The following CFAP20DC variants were observed in gnomAD, a reference collection of about 807,000 sequenced individuals.
CFAP20DC encodes CFAP20 domain containing.
A neutral mutation model predicts 101.7 loss-of-function variants in CFAP20DC; 84 were observed. The observed-to-expected ratio is 0.83, with a 90% CI of 0.69 to 0.99. The LOEUF is 0.99. Among genes scored for constraint, CFAP20DC ranks in the 50% least tolerant of loss-of-function variants. CFAP20DC has a pLI of 0.00. For synonymous variants in CFAP20DC, 359 were observed against 351.2 expected (o/e 1.02, Z -0.25); for missense variants, 1,007 against 970.3 (o/e 1.04, Z -0.50).
chr3:58,984,942 A>G (rs1368891491), intron 4 of CFAP20DC, among the ~76,000 whole-genome samples: 4 of 152,106 alleles, frequency 2.6e-5, no homozygotes, highest in Non-Finnish European at 5.9e-5. Flanking sequence ...ATCTCTCTCC[A>G]TCACCCAGGC....
intron 7 of CFAP20DC, among the ~76,000 whole-genome samples, chr3:58,871,670 A>G (rs994279138): frequency 2.0e-5 from 3 of 151,774 alleles, no homozygotes; most frequent in Non-Finnish European, 4.4e-5. Flanking sequence ...CTGGGACTAG[A>G]GGTACACGCC....
At chr3:59,028,229 G>A (rs1482477179) in intron 4 of CFAP20DC, among the ~76,000 whole-genome samples, 1 of 152,100 alleles carries the variant, frequency 6.6e-6, no homozygotes, top group Non-Finnish European at 1.5e-5. Context: ...AGAAAAAAGA[G>A]GAATCAATAA....
chr3:58,869,591 G>A lies in CFAP20DC; in HGVS notation c.853-101C>T. On this transcript the variant is annotated intron_variant, in intron 8 of 16. Coordinates refer to ENST00000482387, the MANE Select transcript of CFAP20DC (RefSeq NM_001394063.1). This position sits in a 1 kb window ranked among gnomAD's most constrained non-coding sequence, Gnocchi z 4.3. ...TAATATTTGGACCAATGAAGAGTGA[G>A]AAAAAAACTAGAGGAAATGAGGTTA... The A allele has an allele frequency of 8.2e-6, 7 of 852,006 alleles. No individual in the cohort carries two copies. Among genetic ancestry groups the A allele is most frequent in the South Asian group, 3.3e-5 (1 of 30,602 alleles). 52.8% of individuals were successfully genotyped at this position (852,006 alleles called of 1,614,324 possible).
chr3:59,021,053 G>A (rs1560004309), intron 4 of CFAP20DC, among the ~76,000 whole-genome samples: 2 of 152,032 alleles, frequency 1.3e-5, no homozygotes, highest in Non-Finnish European at 2.9e-5. Flanking sequence ...AGAGGATCCA[G>A]TAGAGGACTC....
intron 5 of CFAP20DC, among the ~76,000 whole-genome samples, chr3:58,925,222 G>C (rs1179829982): frequency 6.6e-6 from 1 of 151,918 alleles, no homozygotes; most frequent in African/African-American, 2.4e-5. Context: ...CTACTGTGTT[G>C]TTGAGTTTCT....
chr3:58,945,675 C>G (rs1197960131), intron 4 of CFAP20DC, among the ~76,000 whole-genome samples: 1 of 151,710 alleles, frequency 6.6e-6, no homozygotes, highest in Admixed American at 6.6e-5. Context: ...AATTAGCTGC[C>G]ACATGCTGTC....
intron 15 of CFAP20DC, among the ~76,000 whole-genome samples, chr3:58,789,392 C>A (rs1303208726): frequency 6.6e-6 from 1 of 152,092 alleles, no homozygotes; most frequent in Non-Finnish European, 1.5e-5. Context: ...AGAATAACTA[C>A]AGGGTATCAT....
At chr3:58,753,696 A>G in intron 16 of CFAP20DC, 73 bp downstream of exon 16, 1 of 1,024,848 alleles carries the variant, frequency 9.8e-7, no homozygotes, top group Non-Finnish European at 1.5e-6. Context: ...GTGGCATCTC[A>G]AAGTGATGGA....
At chr3:58,963,441 A>G (rs530700606) in intron 4 of CFAP20DC, among the ~76,000 whole-genome samples, 3 of 152,192 alleles carry the variant, frequency 2.0e-5, no homozygotes, top group Admixed American at 6.5e-5. Context: ...AAATCACAAG[A>G]ATACTTGTGA....
chr3:58,988,434 G>A (rs1160887796), intron 4 of CFAP20DC, among the ~76,000 whole-genome samples: 1 of 152,152 alleles, frequency 6.6e-6, no homozygotes. Flanking sequence ...TGGGGCAGCA[G>A]GAGGTTCTGC....
At chr3:58,891,422 G>GGGGAGAGGGAGAGGGAGA (rs200945396) in intron 6 of CFAP20DC, among the ~76,000 whole-genome samples, 12 of 132,494 alleles carry the variant, frequency 9.1e-5, no homozygotes, top group South Asian at 5.2e-4. Flanking sequence ...GGGAGACCGT[G>GGGGAGAGGGAGAGGGAGA]GGGAGAGGGA....
chr3:58,931,227 G>C (rs556095990), intron 5 of CFAP20DC, among the ~76,000 whole-genome samples: 5 of 152,204 alleles, frequency 3.3e-5, no homozygotes, highest in Admixed American at 6.5e-5. Context: ...GGAGGGGTGC[G>C]CGCCATTGCC....
intron 11 of CFAP20DC, among the ~76,000 whole-genome samples, chr3:58,865,615 C>G (rs1397557921): frequency 6.6e-6 from 1 of 152,116 alleles, no homozygotes; most frequent in Non-Finnish European, 1.5e-5. Flanking sequence ...GACAGCAAAC[C>G]CTTTTGCATG....
At chr3:58,938,507 C>T (rs975859831) in intron 4 of CFAP20DC, among the ~76,000 whole-genome samples, 1 of 152,138 alleles carries the variant, frequency 6.6e-6, no homozygotes, top group Non-Finnish European at 1.5e-5. Context: ...ATTGATGCTT[C>T]TTTAAAAACT....
At chr3:58,941,282 T>C (rs972813502) in intron 4 of CFAP20DC, among the ~76,000 whole-genome samples, 5 of 139,734 alleles carry the variant, frequency 3.6e-5, no homozygotes, top group Non-Finnish European at 6.0e-5. Flanking sequence ...TGAGCTGAGA[T>C]TGTGCCACTG....
chr3:58,764,403 G>A (rs1009859980), intron 15 of CFAP20DC, among the ~76,000 whole-genome samples: 1 of 152,138 alleles, frequency 6.6e-6, no homozygotes, highest in Non-Finnish European at 1.5e-5. Context: ...TATTAGGGTG[G>A]GAGTGACCTG....
rs1316895706 is a variant in CFAP20DC, at chr3:58,815,312, A to T, written c.2176-8856T>A. Among the ~76,000 whole-genome samples, 10 of 149,168 alleles carry T rather than the reference A, an allele frequency of 6.7e-5. 1 individual carries two copies. Among genetic ancestry groups the T allele is most frequent in the African/African-American group, 2.5e-4 (10 of 40,348 alleles). On this transcript the variant is annotated intron_variant, in intron 14 of 16. Coordinates refer to ENST00000482387, the MANE Select transcript of CFAP20DC (RefSeq NM_001394063.1). ...GGAAAACTGGCTAGCCATATGTAGAAAGCTGAAACTGGATCCCTTCCTTAC... is the reference window on the plus strand; with the variant it reads ...GGAAAACTGGCTAGCCATATGTAGATAGCTGAAACTGGATCCCTTCCTTAC...
At chr3:58,753,325 G>T (rs1285518636) in intron 16 of CFAP20DC, among the ~76,000 whole-genome samples, 2 of 152,146 alleles carry the variant, frequency 1.3e-5, no homozygotes, top group African/African-American at 4.8e-5. Context: ...GCCAACAGCT[G>T]GTATTTGGTA....
At chr3:58,979,140 C>A (rs948261843) in intron 4 of CFAP20DC, among the ~76,000 whole-genome samples, 2 of 152,176 alleles carry the variant, frequency 1.3e-5, no homozygotes, top group Admixed American at 1.3e-4. Context: ...CAAAGAGAAT[C>A]ACAAAACCTG....
Sources: allele counts gnomAD v4.1 joint callset (sites outside exome capture counted in the v4.1 genomes callset), GRCh38; gene constraint gnomAD v4.1.1; non-coding constraint Gnocchi (gnomAD v3.1); transcripts MANE v1.5; gene names NCBI Gene and HGNC (gene_info 2026-07-23, HGNC 2026-07-21).